The following CERS6 variants were observed in gnomAD, a reference collection of about 807,000 sequenced individuals.
CERS6 encodes the protein ceramide synthase 6.
In CERS6, 26 loss-of-function variants were observed where a neutral mutation model predicts 56.8. That is an observed-to-expected ratio of 0.46 (90% CI 0.34 to 0.63). The LOEUF is 0.63. CERS6 is among the 30% of genes least tolerant of loss of function. The pLI, the probability that CERS6 is intolerant of heterozygous loss-of-function variation, is 0.01. For synonymous variants in CERS6, 164 were observed against 173.3 expected, an observed-to-expected ratio of 0.95 and a Z score of 0.42; for missense variants, 415 against 467.5, an observed-to-expected ratio of 0.89 and a Z score of 1.04.
intron 1 of CERS6, among the ~76,000 whole-genome samples, chr2:168,483,336 A>C (rs181522369): frequency 1.3e-3 from 202 of 151,182 alleles, no homozygotes; most frequent in African/African-American, 4.8e-3. Flanking sequence ...TGTAGAGTGG[A>C]AGCTCTGTGT....
intron 4 of CERS6, among the ~76,000 whole-genome samples, chr2:168,662,382 C>T (rs546626265): frequency 1.6e-4 from 24 of 152,146 alleles, no homozygotes; most frequent in African/African-American, 5.5e-4. Flanking sequence ...AAGAGTATCA[C>T]TGGTGAGGGC....
At chr2:168,655,467 T>C (rs908834737) in intron 4 of CERS6, among the ~76,000 whole-genome samples, 2 of 152,324 alleles carry the variant, frequency 1.3e-5, no homozygotes. Flanking sequence ...AGCCAAGATA[T>C]GGAAACAACC....
intron 1 of CERS6, among the ~76,000 whole-genome samples, chr2:168,546,585 A>G (rs914770481): frequency 6.6e-5 from 10 of 152,142 alleles, no homozygotes; most frequent in Non-Finnish European, 1.0e-4. Flanking sequence ...CTTTAATCTC[A>G]TCAACTGTTA....
intron 7 of CERS6, among the ~76,000 whole-genome samples, chr2:168,716,107 T>C (rs1687220931): frequency 6.6e-6 from 1 of 152,114 alleles, no homozygotes; most frequent in Non-Finnish European, 1.5e-5. Context: ...AGGTTTGAGG[T>C]ATATACAGCA....
rs1491580943 is a variant in CERS6, at chr2:168,486,518, G to GTTTTTTTTT, written c.170+29900_170+29901insTTTTTTTTT. ...ATTTTTGTTAAAGGTGTCTAGATTT[G>GTTTTTTTTT]GTTTTGTTTTTTTTTTTTTTGCCTA... On this transcript the variant is annotated intron_variant, in intron 1 of 9. Coordinates refer to ENST00000305747, the MANE Select transcript of CERS6 (RefSeq NM_203463.3). Among the ~76,000 whole-genome samples, 25 of 136,316 alleles carry GTTTTTTTTT rather than the reference G, an allele frequency of 1.8e-4. 2 individuals carry two copies. Among genetic ancestry groups the GTTTTTTTTT allele is most frequent in the East Asian group, 8.9e-4 (4 of 4,514 alleles). 89.4% of individuals were successfully genotyped at this position (136,316 alleles called of 152,430 possible). A position where few individuals can be genotyped will look rare whatever the true frequency, so the allele number is the denominator to read the frequency against.
intron 3 of CERS6, among the ~76,000 whole-genome samples, chr2:168,570,807 G>A (rs1282661212): frequency 6.6e-6 from 1 of 152,092 alleles, no homozygotes; most frequent in African/African-American, 2.4e-5. Flanking sequence ...GAGAATAATA[G>A]CTACTATTTA....
intron 1 of CERS6, among the ~76,000 whole-genome samples, chr2:168,458,249 TTAGA>T (rs1375564467): frequency 6.6e-6 from 1 of 152,196 alleles, no homozygotes; most frequent in Non-Finnish European, 1.5e-5. Context: ...GGGCTCACTT[TTAGA>T]TAGATAATGC....
At chr2:168,669,313 C>T (rs1318686201) in intron 4 of CERS6, among the ~76,000 whole-genome samples, 1 of 152,160 alleles carries the variant, frequency 6.6e-6, no homozygotes, top group East Asian at 1.9e-4. Context: ...AGTTGTTATC[C>T]AGCTAAGTCA....
intron 8 of CERS6, among the ~76,000 whole-genome samples, chr2:168,746,805 ATATATATATATATAT>A (rs1684115389): frequency 2.7e-5 from 3 of 112,854 alleles, no homozygotes; most frequent in Admixed American, 9.4e-5. Context: ...ATATATATAT[ATATATATATATATAT>A]AAAATCATCT....
In CERS6 at chr2:168,772,129, C is replaced by T. The variant is rs533856435; in HGVS notation, c.*2467C>T. ...ATATGTGCAGTATCTCATCCTCCCC[C>T]TGTACCAGGCCATAGCTTTGAAGTG... is the stretch of plus-strand genomic sequence containing the variant. On this transcript the variant is annotated 3_prime_UTR_variant, in exon 10 of 10. Coordinates refer to ENST00000305747, the MANE Select transcript of CERS6 (RefSeq NM_203463.3). The T allele has an allele frequency of 1.3e-5, 2 of 152,336 alleles. No individual in the cohort carries two copies. The highest frequency in any genetic ancestry group is 1.9e-4 in the East Asian group (1 of 5,188). 9.4% of individuals were successfully genotyped at this position (152,336 alleles called of 1,614,324 possible).
intron 1 of CERS6, among the ~76,000 whole-genome samples, chr2:168,482,565 T>A (rs1404347582): frequency 2.0e-5 from 3 of 152,222 alleles, no homozygotes; most frequent in African/African-American, 7.2e-5. Flanking sequence ...ATGCAAAAAA[T>A]TTGATTTCAA....
chr2:168,682,252 G>A (rs1686235659), intron 4 of CERS6, among the ~76,000 whole-genome samples: 1 of 152,002 alleles, frequency 6.6e-6, no homozygotes, highest in African/African-American at 2.4e-5. Context: ...GATAAGACTT[G>A]TTCATTGCGG....
intron 4 of CERS6, among the ~76,000 whole-genome samples, chr2:168,657,499 G>A (rs972275049): frequency 1.3e-5 from 2 of 152,266 alleles, no homozygotes; most frequent in East Asian, 1.9e-4. Flanking sequence ...GGTGGAGCTC[G>A]TCGGGGAGGC....
At chr2:168,604,740 T>C (rs531030608) in intron 3 of CERS6, among the ~76,000 whole-genome samples, 2 of 152,276 alleles carry the variant, frequency 1.3e-5, no homozygotes, top group Admixed American at 6.5e-5. Context: ...ATGTGCCTGC[T>C]TCCCCTTTGC....
intron 1 of CERS6, among the ~76,000 whole-genome samples, chr2:168,544,189 G>C (rs1695421339): frequency 6.6e-6 from 1 of 152,148 alleles, no homozygotes; most frequent in Non-Finnish European, 1.5e-5. Flanking sequence ...TATTAAGTTT[G>C]TCTGTTATTC....
chr2:168,620,683 T>C (rs1195277294), intron 3 of CERS6, among the ~76,000 whole-genome samples: 1 of 152,144 alleles, frequency 6.6e-6, no homozygotes, highest in Non-Finnish European at 1.5e-5. Flanking sequence ...CAGTCTCGTG[T>C]TTTGTTATGA....
intron 4 of CERS6, among the ~76,000 whole-genome samples, chr2:168,642,598 C>T (rs1435303532): frequency 1.3e-5 from 2 of 152,152 alleles, no homozygotes; most frequent in Admixed American, 6.5e-5. Context: ...ATCAGACTGA[C>T]TCTTGGGCCC....
intron 6 of CERS6, among the ~76,000 whole-genome samples, chr2:168,711,150 T>C (rs2105383929): frequency 6.6e-6 from 1 of 152,336 alleles, no homozygotes; most frequent in East Asian, 1.9e-4. Flanking sequence ...TGTTAGGCAC[T>C]TTCCAGGGTA....
chr2:168,478,106 G>A (rs376150337), intron 1 of CERS6, among the ~76,000 whole-genome samples: 30 of 150,652 alleles, frequency 2.0e-4, no homozygotes, highest in African/African-American at 6.8e-4. Context: ...TTTTTTGTTT[G>A]TTTGCTTTGT....
Sources: allele counts gnomAD v4.1 joint callset (sites outside exome capture counted in the v4.1 genomes callset), GRCh38; gene constraint gnomAD v4.1.1; transcripts MANE v1.5; gene names NCBI Gene and HGNC (gene_info 2026-07-23, HGNC 2026-07-21).